Variants in RAD51B observed in about 807,000 individuals in gnomAD.
The protein encoded by RAD51B is RAD51 paralog B.
RAD51B carries 38 observed loss-of-function variants against 42.2 expected under a neutral mutation model. The ratio of observed to expected loss-of-function variants is 0.90; its 90% CI spans 0.70 to 1.18. The LOEUF is 1.18. Ranked by LOEUF, RAD51B falls within the 50% of genes most tolerant of loss-of-function variation. The pLI, the probability that RAD51B is intolerant of heterozygous loss-of-function variation, is 0.00. For missense variants in RAD51B, 373 were observed against 400.7 expected, an observed-to-expected ratio of 0.93 and a Z score of 0.59; for synonymous variants, 154 against 145.2, an observed-to-expected ratio of 1.06 and a Z score of -0.43.
chr14:68,178,754 T>C (rs1338003483), intron 7 of RAD51B, among the ~76,000 whole-genome samples: 1 of 152,210 alleles, frequency 6.6e-6, no homozygotes, highest in Non-Finnish European at 1.5e-5. Context: ...ACCATTAGAA[T>C]TCTCCCACAG....
intron 5 of RAD51B, among the ~76,000 whole-genome samples, chr14:67,866,106 TG>T (rs2042329908): frequency 6.6e-6 from 1 of 152,096 alleles, no homozygotes; most frequent in Non-Finnish European, 1.5e-5. Flanking sequence ...ATCCAAACTG[TG>T]GGAAATAACA....
At chr14:68,585,058 G>A (rs1890391939) in intron 10 of RAD51B, among the ~76,000 whole-genome samples, 4 of 152,120 alleles carry the variant, frequency 2.6e-5, no homozygotes, top group Admixed American at 1.3e-4. Context: ...AGGATGCGGC[G>A]GTCAGGAAGG....
chr14:67,827,760 T>G (rs2040882750), intron 3 of RAD51B, among the ~76,000 whole-genome samples: 1 of 152,184 alleles, frequency 6.6e-6, no homozygotes, highest in African/African-American at 2.4e-5. Flanking sequence ...TGTTCTTGCA[T>G]TAGTTTGCTG....
intron 7 of RAD51B, among the ~76,000 whole-genome samples, chr14:68,097,807 A>G (rs925244268): frequency 2.6e-5 from 4 of 152,254 alleles, no homozygotes; most frequent in Non-Finnish European, 4.4e-5. Flanking sequence ...TTAAAATGAT[A>G]TACAAACACA....
chr14:67,894,536 A>G (rs1330878707), intron 7 of RAD51B, among the ~76,000 whole-genome samples: 1 of 152,218 alleles, frequency 6.6e-6, no homozygotes, highest in African/African-American at 2.4e-5. Flanking sequence ...GGCTTCTACA[A>G]ATAAGGTAAT....
chr14:67,901,837 A>G (rs1218131028), intron 7 of RAD51B, among the ~76,000 whole-genome samples: 9 of 152,086 alleles, frequency 5.9e-5, no homozygotes, highest in Non-Finnish European at 1.5e-5. Flanking sequence ...ACCACATATA[A>G]GTGGGAGTGA....
intron 7 of RAD51B, among the ~76,000 whole-genome samples, chr14:68,172,956 T>C (rs1248922275): frequency 6.6e-6 from 1 of 152,160 alleles, no homozygotes; most frequent in African/African-American, 2.4e-5. Flanking sequence ...TACAGGGAGT[T>C]AGGCCTTTGT....
chr14:68,465,963 TA>T (rs1274403318), intron 9 of RAD51B, among the ~76,000 whole-genome samples: 1 of 95,584 alleles, frequency 1.0e-5, no homozygotes, highest in Non-Finnish European at 2.8e-5. Flanking sequence ...AATAAATAAA[TA>T]AATAAATAAA....
intron 10 of RAD51B, among the ~76,000 whole-genome samples, chr14:68,638,852 G>T (rs1388686681): frequency 6.6e-6 from 1 of 152,186 alleles, no homozygotes; most frequent in African/African-American, 2.4e-5. Context: ...GTTTCATATG[G>T]AGCTGGAGAG....
At chr14:68,014,792 G>A (rs1475249879) in intron 7 of RAD51B, among the ~76,000 whole-genome samples, 7 of 149,272 alleles carry the variant, frequency 4.7e-5, no homozygotes, top group East Asian at 2.0e-4. Context: ...ATTGGAATAC[G>A]TAATTTAGGA....
intron 7 of RAD51B, among the ~76,000 whole-genome samples, chr14:67,890,453 T>C (rs999724071): frequency 2.6e-5 from 4 of 151,762 alleles, no homozygotes; most frequent in Admixed American, 6.6e-5. Context: ...GTAAACTTCT[T>C]TTTATTTATT....
At chr14:68,301,379 C>T (rs1036572645) in intron 8 of RAD51B, among the ~76,000 whole-genome samples, 1 of 152,050 alleles carries the variant, frequency 6.6e-6, no homozygotes, top group Admixed American at 6.5e-5. Flanking sequence ...AATGTAGACC[C>T]CAGAAAACAA....
At chr14:68,663,071 T>C (rs1214264228) in intron 11 of RAD51B, among the ~76,000 whole-genome samples, 1 of 152,074 alleles carries the variant, frequency 6.6e-6, no homozygotes, top group African/African-American at 2.4e-5. Context: ...GAAGCCAAGG[T>C]GGGTGGATCA....
At chr14:68,406,999 C>T (rs1037207082) in intron 8 of RAD51B, among the ~76,000 whole-genome samples, 3 of 152,182 alleles carry the variant, frequency 2.0e-5, no homozygotes, top group African/African-American at 7.2e-5. Flanking sequence ...ATGAAGCTGT[C>T]ATCTCCTATG....
chr14:68,440,882 G>T (rs962560959), intron 9 of RAD51B, among the ~76,000 whole-genome samples: 2 of 152,140 alleles, frequency 1.3e-5, no homozygotes, highest in South Asian at 4.1e-4. Context: ...TTTGAGAACT[G>T]GACTTGAATC....
intron 10 of RAD51B, among the ~76,000 whole-genome samples, chr14:68,557,687 G>T (rs916567380): frequency 1.3e-5 from 2 of 152,200 alleles, no homozygotes; most frequent in African/African-American, 4.8e-5. Context: ...CCCACTTTGG[G>T]TCTGGTCCCA....
downstream of RAD51B, among the ~76,000 whole-genome samples, chr14:68,615,838 T>G (rs1891814900): frequency 2.0e-5 from 3 of 152,208 alleles, no homozygotes; most frequent in African/African-American, 7.2e-5. Context: ...ATTTCTTGCT[T>G]TTTAAATCCA....
intron 7 of RAD51B, among the ~76,000 whole-genome samples, chr14:68,044,980 C>T (rs1266212731): frequency 6.6e-6 from 1 of 152,090 alleles, no homozygotes; most frequent in Non-Finnish European, 1.5e-5. Context: ...TGGCTCACGC[C>T]TGTAATCCCA....
At chr14:67,872,861 G>C (rs2042589881) in intron 5 of RAD51B, among the ~76,000 whole-genome samples, 1 of 152,056 alleles carries the variant, frequency 6.6e-6, no homozygotes, top group Non-Finnish European at 1.5e-5. Context: ...TTTAATAAAT[G>C]GTGCTGGGAA....
Sources: allele counts gnomAD v4.1 joint callset (sites outside exome capture counted in the v4.1 genomes callset), GRCh38; gene constraint gnomAD v4.1.1; transcripts MANE v1.5; gene names NCBI Gene and HGNC (gene_info 2026-07-23, HGNC 2026-07-21).